Variants in UPP2 observed in about 807,000 individuals in gnomAD.
UPP2 encodes UPase 2.
UPP2 carries 23 observed loss-of-function variants against 26.7 expected under a neutral mutation model. The ratio of observed to expected loss-of-function variants is 0.86; its 90% CI spans 0.62 to 1.22. The LOEUF (loss-of-function observed/expected upper bound fraction) is 1.22. Among genes scored for constraint, UPP2 ranks in the 50% most tolerant of loss-of-function variants. The pLI is 0.00. For missense variants in UPP2, 387 were observed against 396.7 expected, an observed-to-expected ratio of 0.98 and a Z score of 0.21; for synonymous variants, 127 against 141.3, an observed-to-expected ratio of 0.90 and a Z score of 0.72.
At chr2:158,028,232 A>C (rs1683865954) in intron 3 of UPP2, among the ~76,000 whole-genome samples, 1 of 152,216 alleles carries the variant, frequency 6.6e-6, no homozygotes, top group African/African-American at 2.4e-5. Flanking sequence ...CTTCCCTTAT[A>C]AAACTGAATG....
intron 3 of UPP2, among the ~76,000 whole-genome samples, chr2:158,058,168 C>T (rs1682281764): frequency 6.6e-6 from 1 of 151,998 alleles, no homozygotes; most frequent in East Asian, 1.9e-4. Flanking sequence ...TGGCGTGCGC[C>T]TGTAGTCCCA....
At chr2:158,024,179 G>A (rs1683799667) in intron 3 of UPP2, among the ~76,000 whole-genome samples, 1 of 152,130 alleles carries the variant, frequency 6.6e-6, no homozygotes, top group African/African-American at 2.4e-5. Flanking sequence ...ATCCCCTGGA[G>A]CATATTTTTT....
chr2:158,026,133 G>A (rs532163873), intron 3 of UPP2, among the ~76,000 whole-genome samples: 10 of 152,166 alleles, frequency 6.6e-5, no homozygotes, highest in African/African-American at 2.2e-4. Flanking sequence ...AGCTCTTGTC[G>A]ACAAGAGACC....
intron 3 of UPP2, 112 bp from the exon 4 acceptor site, chr2:158,117,712 A>G: frequency 1.2e-6 from 1 of 822,672 alleles, no homozygotes; most frequent in Non-Finnish European, 2.0e-6. Flanking sequence ...CAAAGTCTTA[A>G]TGATTATGTA....
chr2:158,089,888 C>T (rs572467325), intron 3 of UPP2, among the ~76,000 whole-genome samples: 1 of 152,262 alleles, frequency 6.6e-6, no homozygotes, highest in South Asian at 2.1e-4. Flanking sequence ...AGTTCACTTC[C>T]TTCAAAGGGT....
intron 3 of UPP2, among the ~76,000 whole-genome samples, chr2:158,088,598 A>C (rs549662491): frequency 6.6e-6 from 1 of 152,228 alleles, no homozygotes; most frequent in Non-Finnish European, 1.5e-5. Flanking sequence ...GTTCCTTCTC[A>C]TATGGGTAGA....
At chr2:158,090,379 T>C (rs907087812) in intron 3 of UPP2, among the ~76,000 whole-genome samples, 1 of 152,060 alleles carries the variant, frequency 6.6e-6, no homozygotes, top group African/African-American at 2.4e-5. Context: ...TGGGCACCTG[T>C]AGTCGCAGCT....
At chr2:158,057,374 T>C (rs1013625393) in intron 3 of UPP2, among the ~76,000 whole-genome samples, 2 of 152,216 alleles carry the variant, frequency 1.3e-5, no homozygotes, top group African/African-American at 4.8e-5. Context: ...GATTTGTCTG[T>C]TTCCCCCCAT....
chr2:158,135,587 AT>A lies in UPP2; in HGVS notation c.*703del, dbSNP rs969081991. On this transcript the variant is annotated 3_prime_UTR_variant, in exon 7 of 7. Coordinates refer to ENST00000005756, the MANE Select transcript of UPP2 (RefSeq NM_173355.4). ...CAAGTGACTAAATTGCCTTCTAGCC[AT>A]TTTTTCTTGTAAAAAAAGTGTTTTG... The A allele has an allele frequency of 6.6e-6, 1 of 152,146 alleles. No individual in the cohort carries two copies. Among genetic ancestry groups the A allele is most frequent in the African/African-American group, 2.4e-5 (1 of 41,424 alleles). The allele number at this position is 152,146 out of a possible 1,614,324, so 9.4% of individuals were successfully genotyped here. A position where few individuals can be genotyped will look rare whatever the true frequency, so the allele number is the denominator to read the frequency against.
Position 158,135,093 on chromosome 2 carries a change from ATAAGT to A in UPP2, c.*207_*211del. On this transcript the variant is annotated 3_prime_UTR_variant, in exon 7 of 7. Transcript: ENST00000005756. ...AATTAAATTCAAATTTCATTTTAGA[ATAAGT>A]TAACTAAATCAGTCTAATAATTAAA... 2 of 591,342 alleles carry A rather than the reference ATAAGT, an allele frequency of 3.4e-6. No homozygotes were observed. Among genetic ancestry groups the A allele is most frequent in the Non-Finnish European group, 2.6e-6 (1 of 385,432 alleles). The allele number at this position is 591,342 out of a possible 1,614,324, so 36.6% of individuals were successfully genotyped here. A position where few individuals can be genotyped will look rare whatever the true frequency, so the allele number is the denominator to read the frequency against.
In UPP2 at chr2:158,028,477, T is replaced by C. The variant is rs375294468; in HGVS notation, c.147+12591T>C. 5.9e-4 allele frequency among the ~76,000 whole-genome samples: 90 copies of C among 152,300 alleles called. 4 individuals are homozygous for C. The South Asian group carries it at 0.018, about 31-fold the overall frequency. On this transcript the variant is annotated intron_variant, in intron 3 of 9. Transcript: ENST00000605860. ...TGGACCTTATTGTCCATATCACTAA[T>C]AGGCTTTTGGTCAAAGCCATTCAAC... is the stretch of plus-strand genomic sequence containing the variant.
At chr2:158,098,692 G>A (rs1192213063), upstream of UPP2, among the ~76,000 whole-genome samples, 1 of 151,674 alleles carries the variant, frequency 6.6e-6, no homozygotes, top group Non-Finnish European at 1.5e-5. Context: ...TGGGCACAAG[G>A]AAGAAATTGG....
At chr2:158,016,789 C>A (rs1219651524) in intron 3 of UPP2, among the ~76,000 whole-genome samples, 1 of 151,940 alleles carries the variant, frequency 6.6e-6, no homozygotes, top group Non-Finnish European at 1.5e-5. Context: ...GTTGAGAGGG[C>A]CCTTTTCTGT....
chr2:158,062,084 CAG>C (rs1393728691), intron 3 of UPP2, among the ~76,000 whole-genome samples: 6 of 152,242 alleles, frequency 3.9e-5, no homozygotes, highest in East Asian at 1.9e-4. Flanking sequence ...ATAATTGTGA[CAG>C]AGACTTTCTT....
At chr2:158,087,795 T>A (rs1682840523) in intron 3 of UPP2, among the ~76,000 whole-genome samples, 1 of 152,172 alleles carries the variant, frequency 6.6e-6, no homozygotes, top group Non-Finnish European at 1.5e-5. Flanking sequence ...ATAATTGTTT[T>A]GTTTAAGGAG....
At chr2:158,080,917 T>C (rs1038748678) in intron 3 of UPP2, among the ~76,000 whole-genome samples, 7 of 152,172 alleles carry the variant, frequency 4.6e-5, no homozygotes, top group Non-Finnish European at 1.0e-4. Flanking sequence ...AGTTATTTGT[T>C]AGAAAACCAC....
At chr2:158,065,546 T>C (rs917632112) in intron 3 of UPP2, 1 of 485,680 alleles carries the variant, frequency 2.1e-6, no homozygotes, top group South Asian at 1.8e-5. Flanking sequence ...TAAATTAACA[T>C]GGCTCAAATG....
chr2:158,005,705 A>C (rs1376522982), intron 2 of UPP2, among the ~76,000 whole-genome samples: 2 of 152,178 alleles, frequency 1.3e-5, no homozygotes, highest in African/African-American at 2.4e-5. Flanking sequence ...TATTTAATAA[A>C]AACTTTACTA....
At chr2:158,029,303 T>C (rs1392004824) in intron 3 of UPP2, among the ~76,000 whole-genome samples, 1 of 152,230 alleles carries the variant, frequency 6.6e-6, no homozygotes, top group East Asian at 1.9e-4. Flanking sequence ...AAAATAAAGA[T>C]GCTTTAAAAA....
Sources: allele counts gnomAD v4.1 joint callset (sites outside exome capture counted in the v4.1 genomes callset), GRCh38; gene constraint gnomAD v4.1.1; transcripts MANE v1.5; gene names NCBI Gene and HGNC (gene_info 2026-07-23, HGNC 2026-07-21).